FRY: variants seen among roughly 807,000 people sequenced by gnomAD.
FRY encodes FRY microtubule binding protein, also known as protein furry homolog.
A neutral mutation model predicts 348.4 loss-of-function variants in FRY; 128 were observed. The ratio of observed to expected loss-of-function variants is 0.37; its 90% confidence interval spans 0.32 to 0.43. FRY has a LOEUF of 0.43. Among genes scored for constraint, FRY ranks in the 20% least tolerant of loss-of-function variants. FRY has a pLI of 1.00. For synonymous variants in FRY, 1,370 were observed against 1,374.7 expected (o/e 1.00, Z 0.08); for missense variants, 2,736 against 3,695.2 (o/e 0.74, Z 6.73).
At chr13:32,220,743 C>A (rs575708055) in intron 36 of FRY, among the ~76,000 whole-genome samples, 1 of 152,348 alleles carries the variant, frequency 6.6e-6, no homozygotes, top group Non-Finnish European at 1.5e-5. Context: ...CATATCCCTT[C>A]CTAACAGAAA....
Position 32,237,833 on chromosome 13 carries a change from C to G in FRY, c.6265C>G (p.Gln2089Glu). ...AENREKLEKL[Q>E]AQLKWADFSG... The stretch of plus-strand genomic sequence containing the variant: ...GAACCGAGAAAAGCTTGAGAAACTC[C>G]AGGCACAGCTGAAGTGGGCCGACTT... Residue 2089 changes from glutamine to glutamate, a missense_variant, in exon 44 of 61, where the codon CAG becomes GAG. Around this residue, in one of 9 missense-constraint regions of FRY, gnomAD observed 789 missense variants for 996.2 expected, o/e 0.79. Coordinates refer to ENST00000542859, the MANE Select transcript of FRY (RefSeq NM_023037.3). The surrounding 1 kb of genome is among the most constrained non-coding windows in gnomAD (Gnocchi z 6.3). 2 of 1,614,210 alleles carry G rather than the reference C, an allele frequency of 1.2e-6. No individual in the cohort carries two copies. The highest frequency in any genetic ancestry group is 1.7e-6 in the Non-Finnish European group (2 of 1,180,054).
At chr13:32,292,231 C>T (rs1244591765) in intron 59 of FRY, among the ~76,000 whole-genome samples, 3 of 152,070 alleles carry the variant, frequency 2.0e-5, no homozygotes, top group African/African-American at 4.8e-5. Flanking sequence ...GATCCACCCC[C>T]GTTGGCCTCC....
intron 29 of FRY, among the ~76,000 whole-genome samples, chr13:32,201,329 C>G (rs1884016907): frequency 6.6e-6 from 1 of 152,200 alleles, no homozygotes; most frequent in Non-Finnish European, 1.5e-5. Flanking sequence ...TCTCTACCCC[C>G]CATCTAATGT....
At chr13:32,167,277 C>T (rs1305609804) in intron 17 of FRY, among the ~76,000 whole-genome samples, 2 of 152,162 alleles carry the variant, frequency 1.3e-5, no homozygotes, top group African/African-American at 2.4e-5. Flanking sequence ...TATTCTCTCA[C>T]ACTTCTGGAG....
At chr13:32,176,946 C>G (rs1327154976) in intron 20 of FRY, among the ~76,000 whole-genome samples, 1 of 152,190 alleles carries the variant, frequency 6.6e-6, no homozygotes, top group East Asian at 1.9e-4. Context: ...TTTCTCAGGT[C>G]ACAGGCTTTG....
chr13:32,150,414 G>C (rs548688637), intron 14 of FRY, among the ~76,000 whole-genome samples: 23 of 152,300 alleles, frequency 1.5e-4, no homozygotes, highest in Non-Finnish European at 2.9e-4. Flanking sequence ...GCCAACAGAA[G>C]TATGCCTGGC....
At chr13:32,218,373 A>G (rs1233017713) in intron 35 of FRY, among the ~76,000 whole-genome samples, 1 of 152,190 alleles carries the variant, frequency 6.6e-6, no homozygotes, top group African/African-American at 2.4e-5. Context: ...GCTAAATCAT[A>G]GTGTCAGTTT....
intron 3 of FRY, among the ~76,000 whole-genome samples, chr13:32,108,502 A>G (rs771867967): frequency 2.6e-5 from 4 of 152,258 alleles, no homozygotes; most frequent in Non-Finnish European, 5.9e-5. Context: ...AAAACAGGCA[A>G]AAATATGACT....
intron 50 of FRY, among the ~76,000 whole-genome samples, chr13:32,252,251 C>T (rs188048682): frequency 5.9e-5 from 9 of 151,998 alleles, no homozygotes; most frequent in Admixed American, 3.9e-4. Context: ...TGTCTTACAA[C>T]GTAAATGATA....
chr13:32,052,204 C>T (rs1372819628), intron 1 of FRY, among the ~76,000 whole-genome samples: 2 of 152,188 alleles, frequency 1.3e-5, no homozygotes, highest in Admixed American at 1.3e-4. Context: ...CCCAGTCTCA[C>T]CTGGCCTGAT....
chr13:32,243,270 T>C (rs2138478203), intron 46 of FRY, among the ~76,000 whole-genome samples: 1 of 152,316 alleles, frequency 6.6e-6, no homozygotes, highest in East Asian at 1.9e-4. Flanking sequence ...GCATGACGTT[T>C]CATTATACAG....
chr13:32,243,971 T>A (rs1005824508), intron 46 of FRY, 71 bp from the exon 47 acceptor site: 1 of 1,525,492 alleles, frequency 6.6e-7, no homozygotes, highest in Middle Eastern at 1.7e-4. Flanking sequence ...CCTAAATGTG[T>A]TGGAAAACAC....
chr13:32,218,707 A>C (rs1288573655), intron 35 of FRY, 42 bp from the exon 36 acceptor site: 6 of 1,045,038 alleles, frequency 5.7e-6, no homozygotes, highest in African/African-American at 3.1e-5. Flanking sequence ...GCGCATATGC[A>C]CACATGTTAA....
intron 29 of FRY, among the ~76,000 whole-genome samples, chr13:32,200,108 C>G (rs560108713): frequency 6.6e-6 from 1 of 152,238 alleles, no homozygotes; most frequent in African/African-American, 2.4e-5. Context: ...TGATATGTAT[C>G]AATCCATTAA....
chr13:32,147,143 AG>A, intron 11 of FRY, 138 bp from the exon 12 acceptor site: 1 of 652,282 alleles, frequency 1.5e-6, no homozygotes, highest in Non-Finnish European at 2.8e-6. Flanking sequence ...TGTAAGTCCC[AG>A]GTGATGCAAT....
At chr13:32,180,973 C>T (rs996285780) in intron 23 of FRY, among the ~76,000 whole-genome samples, 4 of 152,058 alleles carry the variant, frequency 2.6e-5, no homozygotes, top group African/African-American at 7.2e-5. Context: ...TCACTGCAAC[C>T]TCCGCCTTCC....
chr13:32,150,255 A>G (rs908459846), intron 14 of FRY, among the ~76,000 whole-genome samples: 2 of 152,256 alleles, frequency 1.3e-5, no homozygotes, highest in Admixed American at 6.5e-5. Flanking sequence ...TAAATAATGT[A>G]TGCACATCTG....
chr13:32,178,327 A>C lies in FRY; in HGVS notation c.2572A>C (p.Ser858Arg). 1 of 1,614,178 alleles carries C rather than the reference A, an allele frequency of 6.2e-7. No homozygotes were observed. Among genetic ancestry groups the C allele is most frequent in the Non-Finnish European group, 8.5e-7 (1 of 1,180,018 alleles). ...AGACCCCTGGGTCCTCTGCCTCTTC[A>C]GCTTCCTCCGGCAGGAGAACTTACC... ...VKDPWVLCLF[S>R]FLRQENLPKH... is the part of the protein sequence containing the mutation. Residue 858 changes from serine (S) to arginine (R), a missense_variant, in exon 21 of 61, where the codon AGC becomes CGC. Ser to Arg is a moderately radical substitution (Grantham distance 110). Coordinates refer to ENST00000542859, the MANE Select transcript of FRY (RefSeq NM_023037.3).
chr13:32,202,395 G>T lies in FRY; in HGVS notation c.3886G>T (p.Ala1296Ser), dbSNP rs145933069. The T allele has an allele frequency of 8.7e-6, 14 of 1,613,912 alleles. No homozygotes were observed. The highest frequency in any genetic ancestry group is 1.2e-5 in the Non-Finnish European group (14 of 1,179,972). The change falls in exon 31 of 61, where the codon GCT (alanine) becomes TCT (serine). Residue 1296 changes from alanine to serine, a missense_variant. By Grantham distance (99) the Ala-to-Ser change is moderately conservative. Transcript: ENST00000542859. ...GCTTTTTGTATACTCAAAGAAAGTCGCTGAGCAAAGACCGGGAAGTATTCT... is the reference window on the plus strand; with the variant it reads ...GCTTTTTGTATACTCAAAGAAAGTCTCTGAGCAAAGACCGGGAAGTATTCT... ...AKLFVYSKKV[A>S]EQRPGSILYG...
Sources: allele counts gnomAD v4.1 joint callset (sites outside exome capture counted in the v4.1 genomes callset), GRCh38; gene constraint gnomAD v4.1.1; regional missense constraint gnomAD v4.1.1; non-coding constraint Gnocchi (gnomAD v3.1); transcripts MANE v1.5; gene names NCBI Gene and HGNC (gene_info 2026-07-23, HGNC 2026-07-21).